Variants in TTC13 observed in about 807,000 individuals in gnomAD.
TTC13 encodes tetratricopeptide repeat domain 13.
Under a neutral mutation model 120.0 loss-of-function variants are expected in TTC13, and 62 were observed. The observed-to-expected ratio is 0.52, with a 90% CI of 0.42 to 0.64. The LOEUF is 0.64. Among genes scored for constraint, TTC13 ranks in the 30% least tolerant of loss-of-function variants. The pLI is 0.00. For synonymous variants in TTC13, 384 were observed against 393.5 expected (o/e 0.98, Z 0.28); for missense variants, 824 against 1,050.2 (o/e 0.78, Z 2.98).
intron 18 of TTC13, among the ~76,000 whole-genome samples, chr1:230,914,639 C>T (rs549813085): frequency 6.6e-6 from 1 of 152,248 alleles, no homozygotes; most frequent in South Asian, 2.1e-4. Flanking sequence ...GTGATCCGCC[C>T]GCCTTGGGCT....
At chr1:230,946,953 G>A (rs116594220) in intron 4 of TTC13, among the ~76,000 whole-genome samples, 2 of 152,198 alleles carry the variant, frequency 1.3e-5, no homozygotes, top group Non-Finnish European at 2.9e-5. Flanking sequence ...GATTGTGTGA[G>A]CCATTAGGTG....
chr1:230,967,290 T>C (rs1240483078), intron 1 of TTC13, among the ~76,000 whole-genome samples: 1 of 152,204 alleles, frequency 6.6e-6, no homozygotes, highest in African/African-American at 2.4e-5. Context: ...CAACTTTTGA[T>C]GATAAAACTT....
rs1674418658 is a variant in TTC13, at chr1:230,940,253, G to A, written c.789+187C>T. ...TTGCTGACAGCTCAAACAAGAAAAT[G>A]TTTTTAGTACTTAATGTTCTCCACT... On this transcript the variant is annotated intron_variant, in intron 7 of 22. Coordinates refer to ENST00000366661, the MANE Select transcript of TTC13 (RefSeq NM_024525.5). This position sits in a 1 kb window ranked among gnomAD's most constrained non-coding sequence, Gnocchi z 4.1. Among the ~76,000 whole-genome samples the A allele has an allele frequency of 6.6e-6, 1 of 152,120 alleles. No individual in the cohort carries two copies. Among genetic ancestry groups the A allele is most frequent in the South Asian group, 2.1e-4 (1 of 4,830 alleles).
rs55902639 is a variant in TTC13 at position 230,955,507 on chromosome 1, C to CAA, written c.443-1106_443-1105dup. ...TGAAACCCCGTCTCTACTAAATATACAAAAAAAAAAAAAATTAGCTGGGCG... is the reference window on the plus strand; with the variant it reads ...TGAAACCCCGTCTCTACTAAATATACAAAAAAAAAAAAAAAATTAGCTGGGCG... On this transcript the variant is annotated intron_variant, in intron 3 of 22. Transcript: ENST00000366661. Among the ~76,000 whole-genome samples the CAA allele has an allele frequency of 6.1e-3, 831 of 137,070 alleles. 9 individuals are homozygous for CAA. The highest frequency in any genetic ancestry group is 0.02 in the East Asian group (94 of 4,758). The allele number at this position is 137,070 out of a possible 152,430, so 89.9% of individuals were successfully genotyped here. A position where few individuals can be genotyped will look rare whatever the true frequency, so the allele number is the denominator to read the frequency against.
rs189620778 is a variant in TTC13 at position 230,931,988 on chromosome 1, G to A, written c.984-111C>T. On this transcript the variant is annotated intron_variant, in intron 9 of 22. Transcript: ENST00000366661. ...ATGTAAACAAGATACCTTGATGGGA[G>A]TGTTCCCTTTGTTGCTTTTTTATAG... The A allele has an allele frequency of 9.4e-6, 10 of 1,062,190 alleles. No homozygotes were observed. The African/African-American group carries it at 1.4e-4, about 15-fold the overall frequency. 65.8% of individuals were successfully genotyped at this position (1,062,190 alleles called of 1,614,324 possible).
intron 8 of TTC13, among the ~76,000 whole-genome samples, chr1:230,935,012 G>A (rs1673908618): frequency 1.3e-5 from 2 of 152,208 alleles, no homozygotes; most frequent in Admixed American, 6.5e-5. Flanking sequence ...ACAGGCTGGT[G>A]TGCAAACTCT....
At position 230,978,653 on chromosome 1, in the gene TTC13, G is replaced by A. The variant is rs1404649923; in HGVS notation, c.178C>T (p.Gln60Ter). 1 of 1,478,884 alleles carries A rather than the reference G, an allele frequency of 6.8e-7. No homozygotes were observed. The highest frequency in any genetic ancestry group is 8.9e-7 in the Non-Finnish European group (1 of 1,122,838). The allele number at this position is 1,478,884 out of a possible 1,614,324, so 91.6% of individuals were successfully genotyped here. Residue 60 changes from glutamine to a stop codon, truncating the protein, a stop_gained, in exon 1 of 23, where the codon CAG (glutamine) becomes TAG (stop). Coordinates refer to ENST00000366661, the MANE Select transcript of TTC13 (RefSeq NM_024525.5). LOFTEE classifies it high-confidence loss of function. This position sits in a 1 kb window ranked among gnomAD's most constrained non-coding sequence, Gnocchi z 5.6. ...SPLSLLKQEL[Q>*]HRQQQEAPAG... ...GGGGCCTCCTGCTGCTGCCGGTGCT[G>A]CAGCTCCTGCTTGAGCAGGGAGAGC...
At chr1:230,969,158 AG>A (rs34790008) in intron 1 of TTC13, among the ~76,000 whole-genome samples, 108,907 of 151,888 alleles carry the variant, frequency 0.72, 39,398 homozygotes, top group South Asian at 0.82. Flanking sequence ...GCTATCCGAG[AG>A]GCTGAGGCAG....
chr1:230,926,489 A>G (rs1006158584), intron 12 of TTC13, among the ~76,000 whole-genome samples: 1 of 152,192 alleles, frequency 6.6e-6, no homozygotes, highest in African/African-American at 2.4e-5. Flanking sequence ...GAAGGAAAGC[A>G]AGTGTTGAAT....
chr1:230,906,797 G>T lies in TTC13; in HGVS notation c.*108C>A. The stretch of plus-strand genomic sequence containing the variant: ...CAAGTATTCAATTCCTATAAAAATT[G>T]GTATCAAAAGTAATAGAGGACCTAA... On this transcript the variant is annotated 3_prime_UTR_variant, in exon 23 of 23. Coordinates refer to ENST00000366661, the MANE Select transcript of TTC13 (RefSeq NM_024525.5). 2.3e-6 allele frequency: 1 copy of T among 436,948 alleles called. No individual in the cohort carries two copies. Among genetic ancestry groups the T allele is most frequent in the Non-Finnish European group, 4.1e-6 (1 of 242,416 alleles). 27.1% of individuals were successfully genotyped at this position (436,948 alleles called of 1,614,324 possible). A position where few individuals can be genotyped will look rare whatever the true frequency, so the allele number is the denominator to read the frequency against.
chr1:230,932,367 T>A (rs1013884539), intron 9 of TTC13, among the ~76,000 whole-genome samples: 1 of 151,966 alleles, frequency 6.6e-6, no homozygotes, highest in African/African-American at 2.4e-5. Flanking sequence ...TTTAGAATTC[T>A]GAAAAAAGAA....
chr1:230,945,425 A>T lies in TTC13; in HGVS notation c.543T>A (p.Tyr181Ter). 1 of 1,614,196 alleles carries T rather than the reference A, an allele frequency of 6.2e-7. No homozygotes were observed. The change falls in exon 5 of 23, where the codon TAT (tyrosine) becomes TAA (stop). Residue 181 changes from tyrosine to a stop codon, truncating the protein, a stop_gained. Transcript: ENST00000366661. LOFTEE classifies it high-confidence loss of function. ...TCTTTCCATAGGCTATCCCTCGGCCATAAATTGCACTAACCAGATCAGGCT... is the reference window on the plus strand; with the variant it reads ...TCTTTCCATAGGCTATCCCTCGGCCTTAAATTGCACTAACCAGATCAGGCT... ...QEEPDLVSAIYGRGIAYGKKG... is the reference protein window; with the variant it reads ...QEEPDLVSAI
intron 17 of TTC13, among the ~76,000 whole-genome samples, chr1:230,917,124 G>A (rs1043183848): frequency 1.3e-5 from 2 of 152,080 alleles, no homozygotes; most frequent in Non-Finnish European, 2.9e-5. Flanking sequence ...AGAAGCCAGA[G>A]GATGAGTGGC....
chr1:230,958,022 G>C (rs144247975), intron 3 of TTC13, among the ~76,000 whole-genome samples: 9 of 124,096 alleles, frequency 7.3e-5, no homozygotes, highest in African/African-American at 3.1e-4. Context: ...AGCTGGAAAA[G>C]ATTATTCCAT....
chr1:230,910,416 T>A (rs905164178), intron 20 of TTC13, among the ~76,000 whole-genome samples: 1 of 152,136 alleles, frequency 6.6e-6, no homozygotes, highest in Non-Finnish European at 1.5e-5. Context: ...AAACCCATGG[T>A]TTTCAGAAGG....
At chr1:230,956,969 C>T (rs1168401307) in intron 3 of TTC13, among the ~76,000 whole-genome samples, 1 of 152,042 alleles carries the variant, frequency 6.6e-6, no homozygotes, top group Non-Finnish European at 1.5e-5. Context: ...AGATCATAGG[C>T]CAGCTCAGGG....
chr1:230,917,394 C>T (rs1417648768), intron 17 of TTC13, among the ~76,000 whole-genome samples: 1 of 152,104 alleles, frequency 6.6e-6, no homozygotes, highest in Non-Finnish European at 1.5e-5. Flanking sequence ...AATTCCAGTC[C>T]GCGTTACTTG....
chr1:230,916,367 CTG>C (rs1672030522), intron 17 of TTC13, 65 bp from the exon 18 acceptor site: 2 of 1,142,206 alleles, frequency 1.8e-6, no homozygotes, highest in Non-Finnish European at 2.7e-6. Flanking sequence ...AACTGCAACT[CTG>C]TAGTGCTGGC....
At chr1:230,914,409 C>A (rs941354238) in intron 18 of TTC13, among the ~76,000 whole-genome samples, 6 of 150,928 alleles carry the variant, frequency 4.0e-5, no homozygotes, top group Admixed American at 3.3e-4. Flanking sequence ...TTTTTTTTCT[C>A]TTTTTGAGAT....
Sources: gnomAD v4.1 joint callset for allele counts (sites outside exome capture counted in the v4.1 genomes callset) on GRCh38, gnomAD v4.1.1 for gene constraint, Gnocchi (gnomAD v3.1) non-coding constraint, MANE v1.5 for transcripts, NCBI Gene and HGNC (gene_info 2026-07-23, HGNC 2026-07-21) for gene names.